The following RORA variants were observed in gnomAD, a reference collection of about 807,000 sequenced individuals.
RORA encodes the protein nuclear receptor ROR-alpha.
In RORA, 7 loss-of-function variants were observed where a neutral mutation model predicts 69.5. That is an observed-to-expected ratio of 0.10 (90% confidence interval 0.06 to 0.19). RORA has a LOEUF of 0.19. Among genes scored for constraint, RORA ranks in the 10% least tolerant of loss-of-function variants. The pLI, the probability that RORA is intolerant of heterozygous loss-of-function variation, is 1.00. For synonymous variants in RORA, 261 were observed against 240.8 expected (o/e 1.08, Z -0.78); for missense variants, 457 against 663.0 (o/e 0.69, Z 3.41).
At chr15:60,645,506 T>C (rs2140683894) in intron 2 of RORA, among the ~76,000 whole-genome samples, 1 of 151,858 alleles carries the variant, frequency 6.6e-6, no homozygotes, top group African/African-American at 2.4e-5. Flanking sequence ...ATTCTCCTGC[T>C]TCTGCCTCCT....
chr15:61,205,457 G>A (rs2079932418), intron 1 of RORA, among the ~76,000 whole-genome samples: 1 of 152,158 alleles, frequency 6.6e-6, no homozygotes, highest in Admixed American at 6.5e-5. Flanking sequence ...AAAGTTACTT[G>A]TCAGGATTGC....
intron 2 of RORA, among the ~76,000 whole-genome samples, chr15:60,575,651 G>T (rs1182777126): frequency 6.6e-6 from 1 of 152,070 alleles, no homozygotes; most frequent in Non-Finnish European, 1.5e-5. Flanking sequence ...AATTTTCACA[G>T]GCAATACTCC....
intron 1 of RORA, among the ~76,000 whole-genome samples, chr15:60,801,470 C>T (rs991097308): frequency 6.6e-6 from 1 of 152,176 alleles, no homozygotes; most frequent in African/African-American, 2.4e-5. Context: ...GAATACAGAA[C>T]GGCTGTCTTG....
intron 1 of RORA, among the ~76,000 whole-genome samples, chr15:60,897,064 G>A (rs575165596): frequency 6.6e-6 from 1 of 152,250 alleles, no homozygotes; most frequent in South Asian, 2.1e-4. Context: ...CTGGGGTGGG[G>A]TGGGAGACGT....
At chr15:61,049,789 C>T (rs1595918379) in intron 1 of RORA, among the ~76,000 whole-genome samples, 3 of 151,974 alleles carry the variant, frequency 2.0e-5, no homozygotes, top group African/African-American at 4.8e-5. Context: ...CCTCCTGAGT[C>T]GCTGGGATTA....
In RORA at chr15:61,147,978, C is replaced by T. The variant is rs1567011390; in HGVS notation, c.166+81075G>A. ...TGGAGAGCCACTAGGGGACTTGAAA[C>T]AAAGGGTGACAGAAACTGTTTTGCT... is the stretch of plus-strand genomic sequence containing the variant. On this transcript the variant is annotated intron_variant, in intron 1 of 10. Transcript: ENST00000335670. The surrounding 1 kb of genome is among the most constrained non-coding windows in gnomAD (Gnocchi z 4.1). 6.6e-6 allele frequency among the ~76,000 whole-genome samples: 1 copy of T among 150,740 alleles called. No homozygotes were observed. Among genetic ancestry groups the T allele is most frequent in the Non-Finnish European group, 1.5e-5 (1 of 68,008 alleles).
At chr15:61,209,405 T>C (rs1412257776) in intron 1 of RORA, among the ~76,000 whole-genome samples, 1 of 152,042 alleles carries the variant, frequency 6.6e-6, no homozygotes, top group Non-Finnish European at 1.5e-5. Context: ...AAAATACACA[T>C]AGGAAAATAC....
At chr15:61,010,666 G>A (rs1225198534) in intron 1 of RORA, among the ~76,000 whole-genome samples, 1 of 152,074 alleles carries the variant, frequency 6.6e-6, no homozygotes, top group Non-Finnish European at 1.5e-5. Flanking sequence ...TATTTACTGT[G>A]ATCCCTTGTG....
chr15:60,604,818 C>T (rs112657520), intron 2 of RORA, among the ~76,000 whole-genome samples: 59 of 152,290 alleles, frequency 3.9e-4, no homozygotes, highest in African/African-American at 1.3e-3. Context: ...CTCTCCTGTA[C>T]AACTGAAAAA....
At chr15:60,772,964 A>T (rs2072100778) in intron 1 of RORA, among the ~76,000 whole-genome samples, 1 of 152,212 alleles carries the variant, frequency 6.6e-6, no homozygotes, top group Non-Finnish European at 1.5e-5. Context: ...CCCGCCAGGG[A>T]GTTTTCCAGG....
intron 10 of RORA, among the ~76,000 whole-genome samples, chr15:60,499,167 A>G (rs568171332): frequency 6.6e-6 from 1 of 152,322 alleles, no homozygotes; most frequent in African/African-American, 2.4e-5. Flanking sequence ...ATTTAATGGA[A>G]GTAGAACTAA....
chr15:61,146,459 TACACAC>T (rs5813074), intron 1 of RORA, among the ~76,000 whole-genome samples: 33 of 149,684 alleles, frequency 2.2e-4, no homozygotes, highest in South Asian at 6.4e-4. Context: ...CACATACACA[TACACAC>T]ACACACACAC....
intron 1 of RORA, among the ~76,000 whole-genome samples, chr15:61,197,337 G>T (rs78954579): frequency 6.6e-6 from 1 of 152,192 alleles, no homozygotes; most frequent in Non-Finnish European, 1.5e-5. Context: ...AGTGGATCCC[G>T]TCTCCAGGCA....
In RORA at chr15:60,541,883, C is replaced by T. The variant is rs908019495; in HGVS notation, c.197-10032G>A. Reference sequence around the variant, plus strand: ...CATGTAAAGATATCAAAACGAGGCCCGCACCACTGTCCTTCCTATTCCATT... The same window carrying T: ...CATGTAAAGATATCAAAACGAGGCCTGCACCACTGTCCTTCCTATTCCATT... On this transcript the variant is annotated intron_variant, in intron 2 of 10. Coordinates refer to ENST00000335670, the MANE Select transcript of RORA (RefSeq NM_134261.3). Among the ~76,000 whole-genome samples the T allele has an allele frequency of 4.6e-4, 70 of 152,144 alleles. 2 individuals are homozygous for T. The highest frequency in any genetic ancestry group is 1.6e-3 in the African/African-American group (67 of 41,430).
At chr15:60,565,134 T>C (rs2067680838) in intron 2 of RORA, among the ~76,000 whole-genome samples, 1 of 152,160 alleles carries the variant, frequency 6.6e-6, no homozygotes, top group African/African-American at 2.4e-5. Flanking sequence ...ACAATAGAGG[T>C]TTAACAGAGG....
intron 3 of RORA, among the ~76,000 whole-genome samples, chr15:60,520,798 A>AAAGAT: frequency 6.6e-6 from 1 of 152,318 alleles, no homozygotes; most frequent in Non-Finnish European, 1.5e-5. Flanking sequence ...GTTATTTCTA[A>AAAGAT]AAGATAAGCT....
At chr15:61,216,816 T>C (rs2080044891) in intron 1 of RORA, among the ~76,000 whole-genome samples, 1 of 152,168 alleles carries the variant, frequency 6.6e-6, no homozygotes, top group Non-Finnish European at 1.5e-5. Flanking sequence ...ACTGAGGGAT[T>C]AATGAATTTA....
At chr15:60,927,787 A>G (rs1454291010) in intron 1 of RORA, among the ~76,000 whole-genome samples, 6 of 152,152 alleles carry the variant, frequency 3.9e-5, no homozygotes, top group Admixed American at 3.9e-4. Context: ...ACAAACAAAC[A>G]AACAAACAAA....
At chr15:61,107,447 G>C (rs1051100537) in intron 1 of RORA, among the ~76,000 whole-genome samples, 29 of 152,048 alleles carry the variant, frequency 1.9e-4, no homozygotes, top group Admixed American at 3.9e-4. Flanking sequence ...CTCACCTTGG[G>C]CAAGTTGGTA....
Sources: gnomAD v4.1 joint callset for allele counts (sites outside exome capture counted in the v4.1 genomes callset) on GRCh38, gnomAD v4.1.1 for gene constraint, Gnocchi (gnomAD v3.1) non-coding constraint, MANE v1.5 for transcripts, NCBI Gene and HGNC (gene_info 2026-07-23, HGNC 2026-07-21) for gene names.